MLLT10: variants seen among roughly 807,000 people sequenced by gnomAD.
The protein encoded by MLLT10 is MLLT10 histone lysine methyltransferase DOT1L cofactor.
In MLLT10, 30 loss-of-function variants were observed where a neutral mutation model predicts 129.1. The ratio of observed to expected loss-of-function variants is 0.23; its 90% CI spans 0.17 to 0.32. MLLT10 has a LOEUF of 0.32. MLLT10 is among the 10% of genes least tolerant of loss of function. The pLI is 1.00. For synonymous variants in MLLT10, 490 were observed against 446.4 expected (o/e 1.10, Z -1.23); for missense variants, 1,119 against 1,268.3 (o/e 0.88, Z 1.79).
intron 8 of MLLT10, among the ~76,000 whole-genome samples, chr10:21,631,331 A>AG (rs1457851038): frequency 5.9e-5 from 9 of 151,264 alleles, no homozygotes; most frequent in East Asian, 1.9e-4. Flanking sequence ...AAAAAAAAAA[A>AG]AAAAGAAAAG....
At chr10:21,625,147 G>A (rs2046306684) in intron 8 of MLLT10, 20 of 1,133,130 alleles carry the variant, frequency 1.8e-5, no homozygotes, top group Non-Finnish European at 1.9e-5. Flanking sequence ...AGCGGCATGC[G>A]AGGAGGAGGG....
At chr10:21,715,899 T>G (rs914934024) in intron 14 of MLLT10, among the ~76,000 whole-genome samples, 6 of 152,266 alleles carry the variant, frequency 3.9e-5, no homozygotes, top group African/African-American at 1.4e-4. Flanking sequence ...TAGATTTACA[T>G]GCTGTGTACT....
chr10:21,603,865 C>G (rs1183524585), intron 5 of MLLT10, among the ~76,000 whole-genome samples: 1 of 149,880 alleles, frequency 6.7e-6, no homozygotes, highest in Non-Finnish European at 1.5e-5. Context: ...CTGCTGCTAT[C>G]TTCACATTCC....
intron 14 of MLLT10, among the ~76,000 whole-genome samples, chr10:21,717,764 C>G (rs2056803914): frequency 7.8e-6 from 1 of 127,590 alleles, no homozygotes; most frequent in Non-Finnish European, 1.6e-5. Context: ...CCTCCTCCTC[C>G]TCCGCTGCTG....
intron 9 of MLLT10, 135 bp downstream of exon 9, chr10:21,651,903 CTTTTTTTTTTTTTTTT>C (rs775460288): frequency 2.2e-5 from 3 of 133,772 alleles, no homozygotes; most frequent in East Asian, 1.7e-4. Context: ...ATTCTCATTT[CTTTTTTTTTTTTTTTT>C]TTTTTTTTTT....
intron 8 of MLLT10, among the ~76,000 whole-genome samples, chr10:21,641,596 A>C (rs766534489): frequency 1.3e-5 from 2 of 152,162 alleles, no homozygotes; most frequent in Non-Finnish European, 2.9e-5. Flanking sequence ...TTGAGGCTGC[A>C]GTGAGCTATG....
chr10:21,619,440 ATATGTTATGGTGTTGAATGAATATAG>A (rs2045591192), intron 8 of MLLT10, among the ~76,000 whole-genome samples: 1 of 152,192 alleles, frequency 6.6e-6, no homozygotes, highest in Non-Finnish European at 1.5e-5. Flanking sequence ...CAGTTATTAA[ATATGTTATGGTGTTGAATGAATATAG>A]TGCTGATGAC....
At chr10:21,649,794 C>T (rs2048845631) in intron 8 of MLLT10, among the ~76,000 whole-genome samples, 1 of 152,130 alleles carries the variant, frequency 6.6e-6, no homozygotes, top group Non-Finnish European at 1.5e-5. Context: ...AGCTTATACA[C>T]CATCACTTCT....
intron 3 of MLLT10, among the ~76,000 whole-genome samples, chr10:21,552,132 G>A (rs1283946921): frequency 2.0e-5 from 3 of 152,062 alleles, no homozygotes; most frequent in Non-Finnish European, 2.9e-5. Flanking sequence ...TCACTATGTT[G>A]CTAGGCTGGT....
chr10:21,629,512 C>G (rs115275414), intron 8 of MLLT10, among the ~76,000 whole-genome samples: 204 of 152,262 alleles, frequency 1.3e-3, no homozygotes, highest in African/African-American at 4.9e-3. Flanking sequence ...GGCACATATC[C>G]TGTTTCTTAT....
At chr10:21,610,495 T>G (rs997124688) in intron 5 of MLLT10, among the ~76,000 whole-genome samples, 10 of 152,202 alleles carry the variant, frequency 6.6e-5, no homozygotes, top group Non-Finnish European at 1.2e-4. Context: ...GTAGATTTAC[T>G]TGGGTAAATT....
chr10:21,625,086 T>C, intron 8 of MLLT10: 1 of 881,136 alleles, frequency 1.1e-6, no homozygotes, highest in Non-Finnish European at 1.9e-6. Flanking sequence ...CTTCATGCCA[T>C]AGTAATCTGG....
intron 4 of MLLT10, among the ~76,000 whole-genome samples, chr10:21,594,511 C>G (rs1356338203): frequency 1.3e-5 from 2 of 148,314 alleles, no homozygotes; most frequent in African/African-American, 5.0e-5. Context: ...CGAGATCGCG[C>G]CACTGCTCTC....
intron 7 of MLLT10, among the ~76,000 whole-genome samples, 184 bp downstream of exon 7, chr10:21,615,108 C>G (rs2045096385): frequency 1.3e-5 from 2 of 151,902 alleles, no homozygotes; most frequent in Admixed American, 6.6e-5. Flanking sequence ...AAAGATTTTG[C>G]TTGCTTCGGT....
At chr10:21,717,192 GC>G (rs1487164376) in intron 14 of MLLT10, among the ~76,000 whole-genome samples, 1 of 149,000 alleles carries the variant, frequency 6.7e-6, no homozygotes, top group Non-Finnish European at 1.5e-5. Context: ...GGCAGAGGTT[GC>G]GGTGAGCCAA....
intron 9 of MLLT10, among the ~76,000 whole-genome samples, chr10:21,656,053 C>T (rs921016537): frequency 6.6e-6 from 1 of 152,078 alleles, no homozygotes; most frequent in African/African-American, 2.4e-5. Context: ...ATCCGATTGA[C>T]CCTGGTAGAC....
chr10:21,552,049 C>G, intron 3 of MLLT10: 2 of 229,442 alleles, frequency 8.7e-6, no homozygotes, highest in South Asian at 9.5e-5. Context: ...ACCTCAACCT[C>G]TCAGGTAGCT....
chr10:21,628,424 G>GCT (rs971137984), intron 8 of MLLT10, among the ~76,000 whole-genome samples: 7 of 148,210 alleles, frequency 4.7e-5, no homozygotes, highest in East Asian at 2.0e-4. Flanking sequence ...GCTGAAGGAT[G>GCT]CTCTCTCTTT....
intron 21 of MLLT10, chr10:21,738,638 A>ATGTT: frequency 1.1e-6 from 1 of 895,518 alleles, no homozygotes; most frequent in Non-Finnish European, 1.3e-6. Context: ...GATGACTTGC[A>ATGTT]TGTTTGCTAA....
Sources: allele counts gnomAD v4.1 joint callset (sites outside exome capture counted in the v4.1 genomes callset), GRCh38; gene constraint gnomAD v4.1.1; transcripts MANE v1.5; gene names NCBI Gene and HGNC (gene_info 2026-07-23, HGNC 2026-07-21).